Variants in MSI2 observed in about 807,000 individuals in gnomAD.
The protein encoded by MSI2 is musashi RNA binding protein 2, also known as RNA-binding protein Musashi homolog 2.
MSI2 carries 17 observed loss-of-function variants against 45.6 expected under a neutral mutation model. That is an observed-to-expected ratio of 0.37 (90% CI 0.26 to 0.56). MSI2 has a LOEUF of 0.56. Among genes scored for constraint, MSI2 ranks in the 20% least tolerant of loss-of-function variants. The pLI is 0.77. For synonymous variants in MSI2, 156 were observed against 158.2 expected, an observed-to-expected ratio of 0.99 and a Z score of 0.11; for missense variants, 293 against 444.2, an observed-to-expected ratio of 0.66 and a Z score of 3.06.
intron 6 of MSI2, among the ~76,000 whole-genome samples, chr17:57,480,602 A>G (rs557555001): frequency 1.3e-5 from 2 of 152,326 alleles, no homozygotes; most frequent in East Asian, 3.9e-4. Context: ...AGGACTTAAC[A>G]GGCCTACCTC....
At chr17:57,468,046 T>A (rs994648199) in intron 6 of MSI2, among the ~76,000 whole-genome samples, 4 of 151,528 alleles carry the variant, frequency 2.6e-5, no homozygotes, top group Non-Finnish European at 4.4e-5. Flanking sequence ...CAATGTCAAG[T>A]GTAGTGGATA....
intron 7 of MSI2, among the ~76,000 whole-genome samples, chr17:57,593,085 A>G (rs527931889): frequency 4.5e-4 from 68 of 152,230 alleles, no homozygotes; most frequent in African/African-American, 1.6e-3. Flanking sequence ...AGTGCCCTTC[A>G]GTGGTGGCAC....
Position 57,644,853 on chromosome 17 carries a change from A to T in MSI2, c.728-7246A>T, listed in dbSNP as rs895411381. ...ACCTATTCAAGCCAGAAGGAGCCTCAGAATTCTCTCATCTCCTCCTTTGAG... is the reference window on the plus strand; with the variant it reads ...ACCTATTCAAGCCAGAAGGAGCCTCTGAATTCTCTCATCTCCTCCTTTGAG... On this transcript the variant is annotated intron_variant, in intron 10 of 13. Transcript: ENST00000284073. Among the ~76,000 whole-genome samples the T allele has an allele frequency of 3.3e-5, 5 of 152,300 alleles. No homozygotes were observed. In the East Asian group the frequency reaches 9.7e-4, roughly 29 times the overall value.
chr17:57,341,130 G>A (rs1413977303), intron 5 of MSI2, among the ~76,000 whole-genome samples: 2 of 152,228 alleles, frequency 1.3e-5, no homozygotes, highest in African/African-American at 4.8e-5. Flanking sequence ...GTAGAGAGGG[G>A]CTCCCCAGTC....
At chr17:57,671,176 CA>C (rs1422764213) in intron 11 of MSI2, among the ~76,000 whole-genome samples, 4 of 152,190 alleles carry the variant, frequency 2.6e-5, no homozygotes, top group African/African-American at 9.7e-5. Flanking sequence ...CTGATCACCG[CA>C]ATGAGCCCCC....
At chr17:57,504,696 C>T (rs1277663146) in intron 6 of MSI2, among the ~76,000 whole-genome samples, 6 of 152,046 alleles carry the variant, frequency 3.9e-5, no homozygotes, top group African/African-American at 7.2e-5. Context: ...TTTGGGAGGC[C>T]GAGGCGGGTG....
At chr17:57,412,316 G>T (rs1021772610) in intron 6 of MSI2, among the ~76,000 whole-genome samples, 2 of 152,152 alleles carry the variant, frequency 1.3e-5, no homozygotes, top group Non-Finnish European at 2.9e-5. Context: ...GGGATTACAG[G>T]TGTGAGCTAC....
chr17:57,280,686 C>A lies in MSI2; in HGVS notation c.312+18494C>A, dbSNP rs1598064696. Among the ~76,000 whole-genome samples, 1 of 152,040 alleles carries A rather than the reference C, an allele frequency of 6.6e-6. No individual in the cohort carries two copies. Among genetic ancestry groups the A allele is most frequent in the African/African-American group, 2.4e-5 (1 of 41,398 alleles). ...CAATCGGCATACTCTTAGTGACGGA[C>A]CCCTATTGGTAAACTTGTTTTTGAG... is the stretch of plus-strand genomic sequence containing the variant. On this transcript the variant is annotated intron_variant, in intron 5 of 13. Coordinates refer to ENST00000284073, the MANE Select transcript of MSI2 (RefSeq NM_138962.4). This position sits in a 1 kb window ranked among gnomAD's most constrained non-coding sequence, Gnocchi z 4.2.
chr17:57,289,485 TA>T (rs34123893), intron 5 of MSI2, among the ~76,000 whole-genome samples: 2 of 148,992 alleles, frequency 1.3e-5, no homozygotes, highest in African/African-American at 2.5e-5. Context: ...ATGAATTCAT[TA>T]AAAAAAAAAA....
chr17:57,470,744 C>A (rs183649387), intron 6 of MSI2, among the ~76,000 whole-genome samples: 1 of 152,314 alleles, frequency 6.6e-6, no homozygotes, highest in Non-Finnish European at 1.5e-5. Flanking sequence ...GCAGCTCCTG[C>A]GGGTGGAAGG....
At chr17:57,468,393 C>T (rs990622168) in intron 6 of MSI2, among the ~76,000 whole-genome samples, 5 of 151,628 alleles carry the variant, frequency 3.3e-5, no homozygotes, top group Admixed American at 6.6e-5. Context: ...TGGTGGCGGG[C>T]GCCTGTAGTC....
chr17:57,513,353 G>A lies in MSI2; in HGVS notation c.406-16323G>A, dbSNP rs574020063. On this transcript the variant is annotated intron_variant, in intron 6 of 13. Transcript: ENST00000284073. ...AGTGAAGTAACAGAGGCACAGAAAG[G>A]TTGAGTAATCTGCCCAATGTCACAC... Among the ~76,000 whole-genome samples the A allele has an allele frequency of 2.6e-5, 4 of 152,266 alleles. No homozygotes were observed. The South Asian group carries it at 8.3e-4, about 32-fold the overall frequency.
chr17:57,505,435 A>C (rs1049362595), intron 6 of MSI2, among the ~76,000 whole-genome samples: 3 of 152,100 alleles, frequency 2.0e-5, no homozygotes, highest in Non-Finnish European at 4.4e-5. Flanking sequence ...GAAGGTTGGG[A>C]GTTTAGGTAT....
At position 57,675,757 on chromosome 17, in the gene MSI2, C is replaced by G. The variant is rs1913186147; in HGVS notation, c.945+631C>G. Among the ~76,000 whole-genome samples, 4 of 152,200 alleles carry G rather than the reference C, an allele frequency of 2.6e-5. 1 individual carries two copies. Among genetic ancestry groups the G allele is most frequent in the Non-Finnish European group, 5.9e-5 (4 of 68,038 alleles). The stretch of plus-strand genomic sequence containing the variant: ...CAGTTTCCAGGTTCCAAGTAAGTTC[C>G]CATTTGCGTTCCTTAGCTGCAGCCT... On this transcript the variant is annotated intron_variant, in intron 12 of 13. Coordinates refer to ENST00000284073, the MANE Select transcript of MSI2 (RefSeq NM_138962.4).
At chr17:57,571,594 C>T (rs2087879717) in intron 7 of MSI2, among the ~76,000 whole-genome samples, 1 of 152,184 alleles carries the variant, frequency 6.6e-6, no homozygotes, top group Admixed American at 6.5e-5. Context: ...ACAAGGGTCA[C>T]CTAGTCTATA....
intron 5 of MSI2, among the ~76,000 whole-genome samples, chr17:57,343,914 G>GT (rs1375354255): frequency 2.0e-5 from 3 of 152,282 alleles, no homozygotes; most frequent in East Asian, 3.9e-4. Flanking sequence ...AGAACACGAC[G>GT]TAAGTGTTTT....
chr17:57,621,996 G>C (rs1025370287), intron 9 of MSI2, among the ~76,000 whole-genome samples: 1 of 152,036 alleles, frequency 6.6e-6, no homozygotes, highest in African/African-American at 2.4e-5. Flanking sequence ...TCAGGAGTTA[G>C]AGACTAGCCT....
chr17:57,347,491 T>A (rs1915701782), intron 5 of MSI2, among the ~76,000 whole-genome samples: 1 of 148,588 alleles, frequency 6.7e-6, no homozygotes, highest in Non-Finnish European at 1.5e-5. Flanking sequence ...CATCCGCATG[T>A]GTTCAGACCC....
intron 6 of MSI2, among the ~76,000 whole-genome samples, chr17:57,412,010 G>A (rs2084206621): frequency 6.6e-6 from 1 of 151,892 alleles, no homozygotes; most frequent in African/African-American, 2.4e-5. Flanking sequence ...CCGTCTGGGG[G>A]CGGGGCCGGG....
Sources: gnomAD v4.1 joint callset for allele counts (sites outside exome capture counted in the v4.1 genomes callset) on GRCh38, gnomAD v4.1.1 for gene constraint, Gnocchi (gnomAD v3.1) non-coding constraint, MANE v1.5 for transcripts, NCBI Gene and HGNC (gene_info 2026-07-23, HGNC 2026-07-21) for gene names.